The following IBSP variants were observed in gnomAD, a reference collection of about 807,000 sequenced individuals.
The protein encoded by IBSP is integrin binding sialoprotein, also known as integrin-binding sialoprotein.
In IBSP, 19 loss-of-function variants were observed where a neutral mutation model predicts 25.5. The ratio of observed to expected loss-of-function variants is 0.74; its 90% confidence interval spans 0.52 to 1.09. IBSP has a LOEUF of 1.09. Among genes scored for constraint, IBSP ranks in the 50% least tolerant of loss-of-function variants. IBSP has a pLI of 0.00. For synonymous variants in IBSP, 144 were observed against 137.6 expected, an observed-to-expected ratio of 1.05 and a Z score of -0.33; for missense variants, 360 against 382.3, an observed-to-expected ratio of 0.94 and a Z score of 0.49.
At chr4:87,809,960 G>A (rs761196269) in intron 5 of IBSP, among the ~76,000 whole-genome samples, 24 of 152,110 alleles carry the variant, frequency 1.6e-4, no homozygotes, top group Non-Finnish European at 3.1e-4. Flanking sequence ...GACTGGGCGC[G>A]GTGGCTCATG....
At chr4:87,810,542 T>A (rs748472552) in intron 5 of IBSP, 64 bp from the exon 6 acceptor site, 9 of 1,249,770 alleles carry the variant, frequency 7.2e-6, no homozygotes, top group Non-Finnish European at 9.3e-6. Context: ...GATTCACAGC[T>A]CCAGTAAATC....
intron 5 of IBSP, among the ~76,000 whole-genome samples, 183 bp downstream of exon 5, chr4:87,806,367 AC>A (rs1722089834): frequency 1.3e-5 from 2 of 152,208 alleles, no homozygotes. Context: ...CCTGTTTAAA[AC>A]ACTATTGCAG....
Position 87,810,681 on chromosome 4 carries a change from T to G in IBSP, c.322T>G (p.Ser108Ala). The change falls in exon 6 of 7, where the codon TCT (serine) becomes GCT (alanine). Residue 108 changes from serine (S) to alanine (A), a missense_variant. Transcript: ENST00000226284. The part of the protein sequence containing the change: ...EDSEAENTTL[S>A]ATTLGYGEDA... The stretch of plus-strand genomic sequence containing the variant: ...CTCTGAGGCTGAGAATACCACACTT[T>G]CTGCTACAACACTGGGCTATGGAGA... The G allele has an allele frequency of 6.2e-7, 1 of 1,613,924 alleles. No homozygotes were observed. Among genetic ancestry groups the G allele is most frequent in the South Asian group, 1.1e-5 (1 of 91,074 alleles).
chr4:87,800,951 A>G (rs554774336), intron 1 of IBSP, among the ~76,000 whole-genome samples: 22 of 152,204 alleles, frequency 1.4e-4, no homozygotes, highest in Non-Finnish European at 2.4e-4. Flanking sequence ...CTAACAGTTA[A>G]ATGTGTATGT....
intron 1 of IBSP, among the ~76,000 whole-genome samples, chr4:87,801,423 T>G (rs1424320960): frequency 6.6e-6 from 1 of 151,670 alleles, no homozygotes. Flanking sequence ...CAGTGTGATA[T>G]TTCATATATT....
chr4:87,809,527 A>G (rs1722139515), intron 5 of IBSP, among the ~76,000 whole-genome samples: 1 of 149,248 alleles, frequency 6.7e-6, no homozygotes, highest in African/African-American at 2.5e-5. Flanking sequence ...AAACAAACAC[A>G]TGGTGTTTTG....
In IBSP at chr4:87,811,975, A is replaced by G; in HGVS notation, c.*65A>G. ...ATCCGGCTACCATTTTCGAAGTTCA[A>G]CTCAGGAAGGTGCAATATAACAAAT... On this transcript the variant is annotated 3_prime_UTR_variant, in exon 7 of 7. Coordinates refer to ENST00000226284, the MANE Select transcript of IBSP (RefSeq NM_004967.4). The G allele has an allele frequency of 1.5e-6, 2 of 1,302,722 alleles. No individual in the cohort carries two copies. The highest frequency in any genetic ancestry group is 1.5e-5 in the South Asian group (1 of 67,552). The allele number at this position is 1,302,722 out of a possible 1,614,324, so 80.7% of individuals were successfully genotyped here. A position where few individuals can be genotyped will look rare whatever the true frequency, so the allele number is the denominator to read the frequency against.
intron 1 of IBSP, among the ~76,000 whole-genome samples, chr4:87,800,167 T>C (rs896930948): frequency 1.3e-5 from 2 of 152,168 alleles, no homozygotes; most frequent in African/African-American, 4.8e-5. Context: ...AACTTGAAAT[T>C]AAATCCTCAA....
intron 5 of IBSP, among the ~76,000 whole-genome samples, chr4:87,809,588 G>T (rs1199517568): frequency 1.3e-5 from 2 of 152,172 alleles, no homozygotes; most frequent in Non-Finnish European, 2.9e-5. Context: ...TACTCTGGTG[G>T]TATTGCAACC....
chr4:87,808,997 AT>A (rs1722131648), intron 5 of IBSP, among the ~76,000 whole-genome samples: 1 of 152,178 alleles, frequency 6.6e-6, no homozygotes, highest in East Asian at 1.9e-4. Flanking sequence ...CTACTGAGGC[AT>A]ATATATTCAA....
Position 87,803,398 on chromosome 4 carries a change from TA to T in IBSP, c.183+677del, listed in dbSNP as rs3840301. On this transcript the variant is annotated intron_variant, in intron 4 of 6. Transcript: ENST00000226284. ...ATTTGTAAACAAAAAGGAAAATAAC[TA>T]AAAAAAAAATAAGAGTTTCCAATTT... is the stretch of plus-strand genomic sequence containing the variant. Among the ~76,000 whole-genome samples the T allele has an allele frequency of 4.6e-4, 69 of 148,570 alleles. No homozygotes were observed. The East Asian group carries it at 0.01, about 22-fold the overall frequency.
Position 87,811,685 on chromosome 4 carries a change from C to G in IBSP, c.729C>G (p.Val243=). 6.2e-7 allele frequency: 1 copy of G among 1,614,002 alleles called. No individual in the cohort carries two copies. ...GGFEPTTPPQ[V]YRTTSPPFGK... ...TTGAACCTACAACCCCACCACAAGT[C>G]TATAGAACCACTTCCCCACCTTTTG... is the stretch of plus-strand genomic sequence containing the variant. Residue 243 remains valine (V), a synonymous_variant, in exon 7 of 7, where the codon GTC becomes GTG. Coordinates refer to ENST00000226284, the MANE Select transcript of IBSP (RefSeq NM_004967.4).
At chr4:87,809,092 C>A (rs1258252293) in intron 5 of IBSP, among the ~76,000 whole-genome samples, 1 of 152,158 alleles carries the variant, frequency 6.6e-6, no homozygotes, top group African/African-American at 2.4e-5. Flanking sequence ...CCGGTTGCTC[C>A]ACATTCTCAC....
chr4:87,809,430 T>C (rs1296722693), intron 5 of IBSP, among the ~76,000 whole-genome samples: 1 of 152,198 alleles, frequency 6.6e-6, no homozygotes, highest in Admixed American at 6.5e-5. Context: ...ATTCTTCTAC[T>C]CTGGGGATCT....
chr4:87,811,685 C>A lies in IBSP; in HGVS notation c.729C>A (p.Val243=). 6.2e-7 allele frequency: 1 copy of A among 1,614,002 alleles called. No homozygotes were observed. Among genetic ancestry groups the A allele is most frequent in the African/African-American group, 1.3e-5 (1 of 74,998 alleles). ...GGFEPTTPPQ[V]YRTTSPPFGK... is the part of the protein sequence containing the mutation. ...TTGAACCTACAACCCCACCACAAGT[C>A]TATAGAACCACTTCCCCACCTTTTG... The change falls in exon 7 of 7, where the codon GTC becomes GTA. Residue 243 remains valine (V), a synonymous_variant. Transcript: ENST00000226284.
Position 87,811,362 on chromosome 4 carries a change from G to T in IBSP, c.406G>T (p.Ala136Ser). 6.2e-7 allele frequency: 1 copy of T among 1,602,378 alleles called. No individual in the cohort carries two copies. Among genetic ancestry groups the T allele is most frequent in the Non-Finnish European group, 8.5e-7 (1 of 1,175,966 alleles). ...GGTTCTTTCAAACGTTTCCTTACAGGCTGGGGATATAACAAATAAAGCTAC... is the reference window on the plus strand; with the variant it reads ...GGTTCTTTCAAACGTTTCCTTACAGTCTGGGGATATAACAAATAAAGCTAC... The part of the protein sequence containing the change: ...GLAAIQLPKK[A>S]GDITNKATKE... Residue 136 changes from alanine to serine, a missense_variant and splice_region_variant, in exon 7 of 7, where the codon GCT becomes TCT. Physicochemically the swap from Ala to Ser is moderately conservative, Grantham distance 99. Coordinates refer to ENST00000226284, the MANE Select transcript of IBSP (RefSeq NM_004967.4).
At chr4:87,800,635 T>C (rs964529262) in intron 1 of IBSP, among the ~76,000 whole-genome samples, 2 of 152,116 alleles carry the variant, frequency 1.3e-5, no homozygotes, top group Non-Finnish European at 2.9e-5. Flanking sequence ...CAAGACCTTT[T>C]ACTAAGATAG....
At chr4:87,804,740 G>A (rs1722067171) in intron 4 of IBSP, among the ~76,000 whole-genome samples, 1 of 152,152 alleles carries the variant, frequency 6.6e-6, no homozygotes, top group East Asian at 1.9e-4. Flanking sequence ...ATAGGAAAAT[G>A]CCAAAGCTTC....
In IBSP at chr4:87,811,344, T is replaced by C; in HGVS notation, c.406-18T>C. 1 of 1,579,106 alleles carries C rather than the reference T, an allele frequency of 6.3e-7. No homozygotes were observed. The highest frequency in any genetic ancestry group is 2.2e-5 in the East Asian group (1 of 44,666). On this transcript the variant is annotated intron_variant, in intron 6 of 6. Coordinates refer to ENST00000226284, the MANE Select transcript of IBSP (RefSeq NM_004967.4). ...TTTTCACAGCTAGATTTGGGTTCTT[T>C]CAAACGTTTCCTTACAGGCTGGGGA...
Sources: gnomAD v4.1 joint callset for allele counts (sites outside exome capture counted in the v4.1 genomes callset) on GRCh38, gnomAD v4.1.1 for gene constraint, MANE v1.5 for transcripts, NCBI Gene and HGNC (gene_info 2026-07-23, HGNC 2026-07-21) for gene names.